The following NKAIN2 variants were observed in gnomAD, a reference collection of about 807,000 sequenced individuals.
The protein encoded by NKAIN2 is sodium/potassium-transporting ATPase subunit beta-1-interacting protein 2.
NKAIN2 carries 14 observed loss-of-function variants against 32.6 expected under a neutral mutation model. The ratio of observed to expected loss-of-function variants is 0.43; its 90% CI spans 0.28 to 0.67. The LOEUF (loss-of-function observed/expected upper bound fraction) is 0.67, where lower values mean the gene tolerates loss of function less well. Among genes scored for constraint, NKAIN2 ranks in the 30% least tolerant of loss-of-function variants. NKAIN2 has a pLI of 0.17. For missense variants in NKAIN2, 198 were observed against 258.3 expected (o/e 0.77, Z 1.60); for synonymous variants, 80 against 87.2 (o/e 0.92, Z 0.46).
chr6:124,577,502 A>G (rs921325464), intron 3 of NKAIN2, among the ~76,000 whole-genome samples: 3 of 152,144 alleles, frequency 2.0e-5, no homozygotes, highest in Non-Finnish European at 2.9e-5. Context: ...TCACAGAGGA[A>G]GCATTTAGAC....
intron 3 of NKAIN2, among the ~76,000 whole-genome samples, chr6:124,461,037 A>G (rs1776511750): frequency 6.6e-6 from 1 of 151,780 alleles, no homozygotes; most frequent in South Asian, 2.1e-4. Flanking sequence ...TATTGGTAGC[A>G]AAAGAGAGGT....
At chr6:124,396,430 A>AAAC (rs1218285922) in intron 3 of NKAIN2, among the ~76,000 whole-genome samples, 2 of 142,756 alleles carry the variant, frequency 1.4e-5, no homozygotes, top group East Asian at 2.0e-4. Flanking sequence ...TATTTGATTA[A>AAAC]AAAAAAAAAA....
chr6:123,861,266 G>A (rs1189329226), intron 1 of NKAIN2, among the ~76,000 whole-genome samples: 1 of 152,158 alleles, frequency 6.6e-6, no homozygotes, highest in East Asian at 1.9e-4. Flanking sequence ...ACAAATAAGA[G>A]GAAGTCTATT....
intron 2 of NKAIN2, among the ~76,000 whole-genome samples, chr6:124,329,104 T>G (rs1797547372): frequency 6.6e-6 from 1 of 152,176 alleles, no homozygotes; most frequent in African/African-American, 2.4e-5. Context: ...CTTCCAATCT[T>G]TATTCTCCAA....
At chr6:124,473,873 G>A (rs1046836759) in intron 3 of NKAIN2, among the ~76,000 whole-genome samples, 3 of 152,080 alleles carry the variant, frequency 2.0e-5, no homozygotes, top group Non-Finnish European at 4.4e-5. Context: ...AAACAAAACA[G>A]AAAGTCCTCA....
rs191247478 is a variant in NKAIN2, at chr6:124,450,509, G to C, written c.273+95162G>C. Among the ~76,000 whole-genome samples the C allele has an allele frequency of 2.0e-5, 3 of 151,762 alleles. No individual in the cohort carries two copies. In the East Asian group the frequency reaches 5.8e-4, roughly 29 times the overall value. ...AAATCAACACTGCCATAATAATACT[G>C]TTTTTTATTAATAATGTAAGCCTAC... On this transcript the variant is annotated intron_variant, in intron 3 of 6. Coordinates refer to ENST00000368417, the MANE Select transcript of NKAIN2 (RefSeq NM_001040214.3).
Position 124,813,297 on chromosome 6 carries a change from C to A in NKAIN2, c.536-5090C>A, listed in dbSNP as rs377741871. Among the ~76,000 whole-genome samples the A allele has an allele frequency of 1.4e-3, 208 of 151,982 alleles. 5 individuals are homozygous for A. The South Asian group carries it at 0.042, about 31-fold the overall frequency. On this transcript the variant is annotated intron_variant, in intron 5 of 6. Coordinates refer to ENST00000368417, the MANE Select transcript of NKAIN2 (RefSeq NM_001040214.3). Reference sequence around the variant, plus strand: ...TCCAAATATTTCTACAGTATTAGATCAAAGAAGAATCTAATACTGTAGATC... The same window carrying A: ...TCCAAATATTTCTACAGTATTAGATAAAAGAAGAATCTAATACTGTAGATC...
intron 1 of NKAIN2, among the ~76,000 whole-genome samples, chr6:124,280,229 G>A (rs1795229591): frequency 6.6e-6 from 1 of 152,012 alleles, no homozygotes; most frequent in African/African-American, 2.4e-5. Context: ...TTAAAAGAGG[G>A]AAAAACTAAC....
chr6:124,128,032 T>A (rs1786270859), intron 1 of NKAIN2, among the ~76,000 whole-genome samples: 1 of 152,200 alleles, frequency 6.6e-6, no homozygotes, highest in Non-Finnish European at 1.5e-5. Context: ...CTTCACCATG[T>A]TGGCCAGGCT....
At chr6:124,412,968 C>T (rs910678536) in intron 3 of NKAIN2, among the ~76,000 whole-genome samples, 29 of 152,172 alleles carry the variant, frequency 1.9e-4, no homozygotes, top group African/African-American at 3.1e-4. Flanking sequence ...TAGGACCCTC[C>T]GAGCCAGGTG....
chr6:124,056,783 G>A (rs1480336499), intron 1 of NKAIN2, among the ~76,000 whole-genome samples: 2 of 151,778 alleles, frequency 1.3e-5, no homozygotes, highest in Non-Finnish European at 2.9e-5. Flanking sequence ...CCTCTCAAAC[G>A]GTCGCACAAG....
intron 3 of NKAIN2, among the ~76,000 whole-genome samples, chr6:124,445,520 G>T (rs1775852658): frequency 1.3e-5 from 2 of 151,838 alleles, no homozygotes; most frequent in African/African-American, 4.8e-5. Context: ...TAATCAATAA[G>T]ACTTCACACT....
At chr6:124,589,243 G>A (rs555989492) in intron 3 of NKAIN2, among the ~76,000 whole-genome samples, 8 of 152,174 alleles carry the variant, frequency 5.3e-5, no homozygotes, top group East Asian at 1.9e-4. Flanking sequence ...TGAAGCACTA[G>A]GTTTTATTCA....
chr6:124,717,535 A>G (rs1562342494), intron 4 of NKAIN2, among the ~76,000 whole-genome samples: 2 of 152,344 alleles, frequency 1.3e-5, no homozygotes, highest in South Asian at 2.1e-4. Flanking sequence ...ATAATTAGTT[A>G]GTATTATTAT....
intron 1 of NKAIN2, among the ~76,000 whole-genome samples, chr6:123,900,628 C>T (rs973585566): frequency 2.5e-4 from 32 of 128,034 alleles, no homozygotes; most frequent in Admixed American, 8.3e-4. Flanking sequence ...TCTGGTTAAC[C>T]CCCCGAGCTG....
rs533008888 is a variant in NKAIN2 at position 124,686,861 on chromosome 6, G to A, written c.474+28475G>A. Among the ~76,000 whole-genome samples, 166 of 152,180 alleles carry A rather than the reference G, an allele frequency of 1.1e-3. 1 individual carries two copies. The highest frequency in any genetic ancestry group is 2.9e-4 in the Non-Finnish European group (20 of 68,000). ...AAAGGAGATTAACATTTGAGTCAGT[G>A]GGCTGGGAAAGGCAGACACACCCTT... On this transcript the variant is annotated intron_variant, in intron 4 of 6. Transcript: ENST00000368417.
At chr6:124,559,294 T>C (rs1436236821) in intron 3 of NKAIN2, among the ~76,000 whole-genome samples, 1 of 151,934 alleles carries the variant, frequency 6.6e-6, no homozygotes, top group Non-Finnish European at 1.5e-5. Flanking sequence ...ATATAATAAG[T>C]GAGAGGAATG....
At chr6:124,109,897 C>T (rs1305940994) in intron 1 of NKAIN2, among the ~76,000 whole-genome samples, 1 of 151,954 alleles carries the variant, frequency 6.6e-6, no homozygotes, top group East Asian at 1.9e-4. Flanking sequence ...TTTGCTGTAT[C>T]ACGTTAACTG....
chr6:124,164,172 T>A (rs999500314), intron 1 of NKAIN2, among the ~76,000 whole-genome samples: 1 of 152,118 alleles, frequency 6.6e-6, no homozygotes, highest in Non-Finnish European at 1.5e-5. Context: ...TACATTTATT[T>A]AAGTACTTCA....
Sources: allele counts gnomAD v4.1 joint callset (sites outside exome capture counted in the v4.1 genomes callset), GRCh38; gene constraint gnomAD v4.1.1; transcripts MANE v1.5; gene names NCBI Gene and HGNC (gene_info 2026-07-23, HGNC 2026-07-21).